The following C12orf42 variants were observed in gnomAD, a reference collection of about 807,000 sequenced individuals.
C12orf42 encodes uncharacterized protein C12orf42.
Under a neutral mutation model 21.6 loss-of-function variants are expected in C12orf42, and 25 were observed. The observed-to-expected ratio is 1.16, with a 90% CI of 0.84 to 1.62. The LOEUF (loss-of-function observed/expected upper bound fraction) is 1.62. Ranked by LOEUF, C12orf42 falls within the 40% of genes most tolerant of loss-of-function variation. The probability of loss-of-function intolerance (pLI) is 0.00; values close to 1 mark genes in which losing one functional copy is unlikely to be tolerated. For synonymous variants in C12orf42, 174 were observed against 175.0 expected (o/e 0.99, Z 0.05); for missense variants, 483 against 459.3 (o/e 1.05, Z -0.47).
the C12orf42 span, among the ~76,000 whole-genome samples, chr12:103,051,238 C>T: frequency 6.6e-6 from 1 of 152,162 alleles, no homozygotes; most frequent in Non-Finnish European, 1.5e-5. Context: ...CTAGTTGAAC[C>T]ATGCTTCAGC....
chr12:103,149,350 G>T, the C12orf42 span, among the ~76,000 whole-genome samples: 6 of 152,200 alleles, frequency 3.9e-5, no homozygotes, highest in African/African-American at 1.4e-4. Flanking sequence ...TATATTTAGG[G>T]TTACCAGTTT....
intron 1 of C12orf42, among the ~76,000 whole-genome samples, chr12:103,483,107 C>A (rs1954585367): frequency 6.6e-6 from 1 of 152,102 alleles, no homozygotes; most frequent in South Asian, 2.1e-4. Context: ...CAGACTACCT[C>A]TTTGCTTGTG....
intron 2 of C12orf42, among the ~76,000 whole-genome samples, chr12:103,415,252 C>G (rs148897493): frequency 6.6e-6 from 1 of 152,140 alleles, no homozygotes; most frequent in Non-Finnish European, 1.5e-5. Context: ...ACACACCCAA[C>G]AGTGGTGCAC....
At chr12:103,292,263 G>A (rs2036872121) in intron 4 of C12orf42, among the ~76,000 whole-genome samples, 1 of 152,134 alleles carries the variant, frequency 6.6e-6, no homozygotes, top group African/African-American at 2.4e-5. Flanking sequence ...GGGGCTGGGT[G>A]TTGCAGAGGA....
At chr12:103,300,494 C>T (rs148829170), downstream of C12orf42, among the ~76,000 whole-genome samples, 1 of 152,292 alleles carries the variant, frequency 6.6e-6, no homozygotes, top group African/African-American at 2.4e-5. Flanking sequence ...AACAGGATCT[C>T]TCCTTCTGTT....
chr12:103,146,610 A>AAGAAAGAAAGAAAGAAAGAT, the C12orf42 span, among the ~76,000 whole-genome samples: 6 of 147,686 alleles, frequency 4.1e-5, no homozygotes, highest in East Asian at 2.0e-4. Context: ...GAAAGAAAGA[A>AAGAAAGAAAGAAAGAAAGAT]AAAGAAAAGT....
chr12:103,240,502 G>C (rs945846104), intron 10 of C12orf42, among the ~76,000 whole-genome samples: 2 of 152,180 alleles, frequency 1.3e-5, no homozygotes, highest in Admixed American at 1.3e-4. Context: ...CAGCTCTGAG[G>C]AGTCACACTT....
At chr12:103,257,486 A>C (rs2034671353) in intron 10 of C12orf42, among the ~76,000 whole-genome samples, 1 of 152,142 alleles carries the variant, frequency 6.6e-6, no homozygotes, top group South Asian at 2.1e-4. Flanking sequence ...CAACTCAAAG[A>C]CATTAAAGTA....
the C12orf42 span, among the ~76,000 whole-genome samples, chr12:103,132,101 T>C: frequency 1.3e-5 from 2 of 152,132 alleles, no homozygotes; most frequent in African/African-American, 4.8e-5. Flanking sequence ...ATGGGGTGAA[T>C]AGTATTAGAT....
chr12:103,262,916 A>G (rs1030913835), intron 10 of C12orf42, among the ~76,000 whole-genome samples: 3 of 152,232 alleles, frequency 2.0e-5, no homozygotes, highest in Admixed American at 1.3e-4. Flanking sequence ...ATGTCCATCA[A>G]TGATAGACTG....
At chr12:103,189,653 T>A in the C12orf42 span, among the ~76,000 whole-genome samples, 1 of 152,064 alleles carries the variant, frequency 6.6e-6, no homozygotes, top group African/African-American at 2.4e-5. Context: ...GTAGGTAAAA[T>A]GAACATCCAA....
the C12orf42 span, among the ~76,000 whole-genome samples, chr12:103,154,810 C>T: frequency 1.1e-4 from 17 of 152,084 alleles, no homozygotes; most frequent in Admixed American, 5.2e-4. Flanking sequence ...TAATGTTTGA[C>T]GTAATCTTTG....
the C12orf42 span, among the ~76,000 whole-genome samples, chr12:103,527,243 G>A: frequency 6.6e-6 from 1 of 152,172 alleles, no homozygotes; most frequent in Non-Finnish European, 1.5e-5. Flanking sequence ...GTGCTTGAGA[G>A]CTGGATCTGT....
At chr12:103,077,909 A>T in the C12orf42 span, among the ~76,000 whole-genome samples, 1 of 152,214 alleles carries the variant, frequency 6.6e-6, no homozygotes, top group Non-Finnish European at 1.5e-5. Flanking sequence ...AGCAGTCACA[A>T]CTTAAATCAG....
chr12:103,379,901 T>C (rs1025272026), intron 3 of C12orf42, among the ~76,000 whole-genome samples: 3 of 152,218 alleles, frequency 2.0e-5, no homozygotes, highest in Non-Finnish European at 2.9e-5. Flanking sequence ...TCGAGCACCA[T>C]GGATTTAAGC....
intron 4 of C12orf42, among the ~76,000 whole-genome samples, chr12:103,341,216 T>TG (rs781177041): frequency 4.6e-5 from 7 of 151,084 alleles, no homozygotes; most frequent in African/African-American, 9.8e-5. Flanking sequence ...TTGCCAGGCA[T>TG]GGTGGCACAT....
chr12:103,319,130 C>T (rs996790983), intron 4 of C12orf42, among the ~76,000 whole-genome samples: 2 of 152,114 alleles, frequency 1.3e-5, no homozygotes, highest in Non-Finnish European at 2.9e-5. Flanking sequence ...GGGAAAAGGG[C>T]TGATATTAAA....
upstream of C12orf42, among the ~76,000 whole-genome samples, chr12:103,499,723 T>G (rs1955672899): frequency 6.6e-6 from 1 of 152,226 alleles, no homozygotes; most frequent in Admixed American, 6.5e-5. Flanking sequence ...ATATGCCCCC[T>G]GCCCACAGTC....
chr12:103,403,375 CA>C (rs11313657), intron 2 of C12orf42, among the ~76,000 whole-genome samples: 23,285 of 89,088 alleles, frequency 0.26, 1,974 homozygotes, highest in African/African-American at 0.39. Context: ...GACTCCGTCT[CA>C]AAAAAAAAAA....
Sources: gnomAD v4.1 joint callset for allele counts (sites outside exome capture counted in the v4.1 genomes callset) on GRCh38, gnomAD v4.1.1 for gene constraint, MANE v1.5 for transcripts, NCBI Gene and HGNC (gene_info 2026-07-23, HGNC 2026-07-21) for gene names.